The following CDYL variants were observed in gnomAD, a reference collection of about 807,000 sequenced individuals.
CDYL encodes chromodomain Y-like protein.
Under a neutral mutation model 47.3 loss-of-function variants are expected in CDYL, and 8 were observed. That is an observed-to-expected ratio of 0.17 (90% CI 0.10 to 0.31). The LOEUF is 0.31. Ranked by LOEUF, CDYL falls within the 10% of genes least tolerant of loss-of-function variation. The pLI, the probability that CDYL is intolerant of heterozygous loss-of-function variation, is 1.00. For synonymous variants in CDYL, 266 were observed against 265.0 expected (o/e 1.00, Z -0.04); for missense variants, 471 against 701.4 (o/e 0.67, Z 3.71).
At chr6:4,724,215 ATT>A (rs35194498) in intron 2 of CDYL, among the ~76,000 whole-genome samples, 1 of 146,478 alleles carries the variant, frequency 6.8e-6, no homozygotes, top group African/African-American at 2.5e-5. Flanking sequence ...TAATTTTTGT[ATT>A]TTTTTTTTTT....
rs1762071800 is a variant in CDYL, at chr6:4,892,308, A to T, written c.620A>T (p.His207Leu). 1 of 1,614,060 alleles carries T rather than the reference A, an allele frequency of 6.2e-7. No homozygotes were observed. The highest frequency in any genetic ancestry group is 8.5e-7 in the Non-Finnish European group (1 of 1,180,016). The change falls in exon 2 of 7, where the codon CAC becomes CTC. Residue 207 changes from histidine to leucine, a missense_variant. His to Leu is a moderately conservative substitution (Grantham distance 99). Coordinates refer to ENST00000397588, the MANE Select transcript of CDYL (RefSeq NM_004824.4). ...AGGATGGGGAGCAGGCCCAGGATAC[A>T]CCCACTAGTGCCTCAGGTGCCCGGC... is the stretch of plus-strand genomic sequence containing the variant. ...RARMGSRPRI[H>L]PLVPQVPGPV...
intron 1 of CDYL, among the ~76,000 whole-genome samples, chr6:4,835,116 A>AAC (rs1212326624): frequency 1.3e-5 from 2 of 152,146 alleles, no homozygotes; most frequent in Non-Finnish European, 2.9e-5. Context: ...GCTGGTGAGG[A>AAC]ACTGCGATCC....
At chr6:4,874,932 C>T (rs966483852) in intron 1 of CDYL, among the ~76,000 whole-genome samples, 4 of 152,174 alleles carry the variant, frequency 2.6e-5, no homozygotes, top group African/African-American at 7.2e-5. Context: ...GCATGTTTAT[C>T]CACTTTGCTC....
chr6:4,724,819 A>C (rs1198040439), intron 2 of CDYL: 1 of 152,226 alleles, frequency 6.6e-6, no homozygotes, highest in Non-Finnish European at 1.5e-5. Context: ...TAGCAGCAAC[A>C]ATATTTATTG....
intron 1 of CDYL, among the ~76,000 whole-genome samples, chr6:4,804,968 AAG>A (rs1205593113): frequency 6.6e-6 from 1 of 152,198 alleles, no homozygotes; most frequent in African/African-American, 2.4e-5. Context: ...TAAGAGAAGA[AAG>A]AGGGAGAAAT....
intron 1 of CDYL, among the ~76,000 whole-genome samples, chr6:4,791,654 C>T (rs554674222): frequency 1.2e-4 from 18 of 150,700 alleles, no homozygotes; most frequent in African/African-American, 1.7e-4. Flanking sequence ...TAGTGTGGGA[C>T]GTATATAATT....
At chr6:4,866,038 A>G (rs1214255247) in intron 1 of CDYL, among the ~76,000 whole-genome samples, 1 of 152,198 alleles carries the variant, frequency 6.6e-6, no homozygotes, top group Non-Finnish European at 1.5e-5. Context: ...ATCAACAAAA[A>G]ACACATATCA....
intron 1 of CDYL, among the ~76,000 whole-genome samples, chr6:4,839,694 C>T (rs1292704472): frequency 3.3e-5 from 5 of 152,036 alleles, no homozygotes; most frequent in African/African-American, 1.2e-4. Flanking sequence ...CCCACTTTAT[C>T]TTTTTGTTTG....
chr6:4,736,316 A>G (rs530811931), intron 3 of CDYL, among the ~76,000 whole-genome samples: 129 of 152,354 alleles, frequency 8.5e-4, no homozygotes, highest in African/African-American at 2.9e-3. Flanking sequence ...TTTCTACTAG[A>G]GACTAAGTTA....
chr6:4,953,911 C>G lies in CDYL; in HGVS notation c.1490C>G (p.Ser497Cys), dbSNP rs750374529. ...ASCNPVVLEE[S>C]KALVRCNMKM... Reference sequence around the variant, plus strand: ...TTTCCGGTGCAGGTGCTTGAGGAATCCAAAGCCCTCGTGCGCTGCAACATG... The same window carrying G: ...TTTCCGGTGCAGGTGCTTGAGGAATGCAAAGCCCTCGTGCGCTGCAACATG... The change falls in exon 7 of 7, where the codon TCC (serine) becomes TGC (cysteine). Residue 497 changes from serine to cysteine, a missense_variant. Ser to Cys is a moderately radical substitution (Grantham distance 112). Transcript: ENST00000397588. 19 of 1,612,706 alleles carry G rather than the reference C, an allele frequency of 1.2e-5. No individual in the cohort carries two copies. In the Admixed American group the frequency reaches 3.2e-4, roughly 27 times the overall value.
chr6:4,837,581 C>T (rs980977295), intron 1 of CDYL, among the ~76,000 whole-genome samples: 2 of 150,848 alleles, frequency 1.3e-5, no homozygotes, highest in African/African-American at 4.9e-5. Context: ...TCTCCTGCCT[C>T]AGCCTCATGA....
At chr6:4,876,806 G>A (rs1761633392) in intron 1 of CDYL, among the ~76,000 whole-genome samples, 1 of 152,180 alleles carries the variant, frequency 6.6e-6, no homozygotes, top group Non-Finnish European at 1.5e-5. Context: ...AATTTTGTGG[G>A]AATGACGTAA....
At chr6:4,785,723 C>G (rs1190196854) in intron 1 of CDYL, among the ~76,000 whole-genome samples, 1 of 152,202 alleles carries the variant, frequency 6.6e-6, no homozygotes, top group East Asian at 1.9e-4. Context: ...AGCTCTGGGT[C>G]TCTCTTGGAG....
At chr6:4,900,779 G>GTGTGTGTATATATATGTATATA in intron 2 of CDYL, among the ~76,000 whole-genome samples, 1 of 51,706 alleles carries the variant, frequency 1.9e-5, no homozygotes, top group African/African-American at 6.3e-5. Flanking sequence ...GTATACGTGT[G>GTGTGTGTATATATATGTATATA]TATATATATA....
chr6:4,794,839 A>C (rs1759026093), intron 1 of CDYL, among the ~76,000 whole-genome samples: 1 of 152,166 alleles, frequency 6.6e-6, no homozygotes, highest in Admixed American at 6.5e-5. Flanking sequence ...GTACATAGAA[A>C]GGCTGTTTAT....
intron 1 of CDYL, among the ~76,000 whole-genome samples, chr6:4,861,491 C>G (rs1489738356): frequency 6.6e-6 from 1 of 152,150 alleles, no homozygotes; most frequent in Non-Finnish European, 1.5e-5. Context: ...GCCAAGAGGG[C>G]CAGTAAATCA....
At chr6:4,739,679 C>T (rs1196132051) in intron 3 of CDYL, among the ~76,000 whole-genome samples, 6 of 151,978 alleles carry the variant, frequency 3.9e-5, no homozygotes, top group African/African-American at 9.7e-5. Flanking sequence ...TGAGGCCGGG[C>T]GTGGTGGCTC....
chr6:4,809,887 G>A (rs1001253018), intron 1 of CDYL, among the ~76,000 whole-genome samples: 80 of 127,616 alleles, frequency 6.3e-4, no homozygotes, highest in African/African-American at 2.4e-3. Flanking sequence ...TATGGTAGGG[G>A]TATTATATTA....
chr6:4,937,711 A>G lies in CDYL; in HGVS notation c.1095A>G (p.Glu365=), dbSNP rs149831569. The part of the protein sequence containing the change: ...IRRLTDDRKR[E]STKMAEAIRN... ...GTCTGACAGATGACAGGAAAAGAGA[A>G]AGCACTAAAATGGCAGAAGCTATCA... The change falls in exon 4 of 7, where the codon GAA becomes GAG. Residue 365 remains glutamate (E), a synonymous_variant. Transcript: ENST00000397588. The G allele has an allele frequency of 9.9e-6, 16 of 1,608,046 alleles. No individual in the cohort carries two copies. The highest frequency in any genetic ancestry group is 1.7e-5 in the Admixed American group (1 of 58,006).
Sources: allele counts gnomAD v4.1 joint callset (sites outside exome capture counted in the v4.1 genomes callset), GRCh38; gene constraint gnomAD v4.1.1; transcripts MANE v1.5; gene names NCBI Gene and HGNC (gene_info 2026-07-23, HGNC 2026-07-21).